AOPEP: variants seen among roughly 807,000 people sequenced by gnomAD.
AOPEP encodes aminopeptidase O.
Under a neutral mutation model 98.1 loss-of-function variants are expected in AOPEP, and 77 were observed. That is an observed-to-expected ratio of 0.78 (90% CI 0.65 to 0.95). The LOEUF is 0.95. Ranked by LOEUF, AOPEP falls within the 40% of genes least tolerant of loss-of-function variation. The pLI is 0.00. For missense variants in AOPEP, 1,024 were observed against 1,024.7 expected (o/e 1.00, Z 0.01); for synonymous variants, 346 against 365.3 (o/e 0.95, Z 0.60).
chr9:94,924,028 G>T lies in AOPEP; in HGVS notation c.1407G>T (p.Gly469=). The part of the protein sequence containing the change: ...MFLSQSILTG[G]NHLCGTRLCH... Reference sequence around the variant, plus strand: ...TCTCTCAGAGCATCTTGACAGGAGGGAACCATCTCTGTGGGACCCGCCTCT... The same window carrying T: ...TCTCTCAGAGCATCTTGACAGGAGGTAACCATCTCTGTGGGACCCGCCTCT... The change falls in exon 6 of 17, where the codon GGG becomes GGT. Residue 469 remains glycine (G), a synonymous_variant. Coordinates refer to ENST00000375315, the MANE Select transcript of AOPEP (RefSeq NM_001193329.3). 6.7e-7 allele frequency: 1 copy of T among 1,500,984 alleles called. No individual in the cohort carries two copies. The highest frequency in any genetic ancestry group is 8.9e-7 in the Non-Finnish European group (1 of 1,121,536). The allele number at this position is 1,500,984 out of a possible 1,614,324, so 93.0% of individuals were successfully genotyped here.
At chr9:94,848,438 C>T (rs533548600) in intron 5 of AOPEP, among the ~76,000 whole-genome samples, 10 of 114,662 alleles carry the variant, frequency 8.7e-5, no homozygotes, top group Admixed American at 7.0e-4. Flanking sequence ...GGCGACGGAG[C>T]GAGACTCCGT....
intron 13 of AOPEP, among the ~76,000 whole-genome samples, chr9:95,053,886 TG>T (rs2066602393): frequency 6.6e-6 from 1 of 152,032 alleles, no homozygotes. Flanking sequence ...CACCTAATTT[TG>T]GGGGTGGGTA....
chr9:94,855,114 G>A (rs773671930), intron 5 of AOPEP, among the ~76,000 whole-genome samples: 5 of 151,968 alleles, frequency 3.3e-5, no homozygotes, highest in Non-Finnish European at 5.9e-5. Flanking sequence ...ATCTCATTCT[G>A]TCACCCAGGC....
At chr9:94,997,984 C>A (rs969387276) in intron 11 of AOPEP, among the ~76,000 whole-genome samples, 10 of 152,118 alleles carry the variant, frequency 6.6e-5, no homozygotes, top group Non-Finnish European at 1.3e-4. Context: ...CAGGCATGAG[C>A]CACCACACAC....
At chr9:95,029,567 A>ACGCCATGTGTT (rs2064126131) in intron 13 of AOPEP, among the ~76,000 whole-genome samples, 1 of 152,060 alleles carries the variant, frequency 6.6e-6, no homozygotes, top group South Asian at 2.1e-4. Context: ...AATTTGAGAG[A>ACGCCATGTGTT]CGCCATGTGT....
At chr9:94,774,256 G>A (rs1841563420) in intron 3 of AOPEP, among the ~76,000 whole-genome samples, 2 of 140,012 alleles carry the variant, frequency 1.4e-5, no homozygotes, top group African/African-American at 5.3e-5. Context: ...AGCTTGCAGT[G>A]AGCTGAGATG....
chr9:94,889,827 C>T (rs1170871444), intron 5 of AOPEP, among the ~76,000 whole-genome samples: 2 of 152,294 alleles, frequency 1.3e-5, no homozygotes, highest in East Asian at 3.9e-4. Flanking sequence ...CTTTCCACAT[C>T]GTCACCATCA....
chr9:94,765,897 A>G (rs1588111366), intron 2 of AOPEP, among the ~76,000 whole-genome samples: 1 of 152,184 alleles, frequency 6.6e-6, no homozygotes, highest in Non-Finnish European at 1.5e-5. Context: ...TCATTCAGAT[A>G]CTGGATTGTA....
intron 1 of AOPEP, among the ~76,000 whole-genome samples, chr9:94,733,789 C>CA (rs1171966598): frequency 6.6e-6 from 1 of 152,140 alleles, no homozygotes. Flanking sequence ...ACCTTAATCC[C>CA]AGGTGCTTTT....
At chr9:94,817,280 T>C (rs573028927) in intron 5 of AOPEP, among the ~76,000 whole-genome samples, 42 of 152,288 alleles carry the variant, frequency 2.8e-4, no homozygotes, top group African/African-American at 9.9e-4. Context: ...GCTAGGATTA[T>C]AGGCGTGAAC....
intron 11 of AOPEP, among the ~76,000 whole-genome samples, chr9:94,985,391 T>C (rs75084260): frequency 1.5e-3 from 222 of 152,366 alleles, no homozygotes; most frequent in African/African-American, 5.1e-3. Flanking sequence ...TTGAGAATAC[T>C]TGATAAGACA....
chr9:95,098,503 TC>T, the AOPEP span, among the ~76,000 whole-genome samples: 1 of 152,056 alleles, frequency 6.6e-6, no homozygotes, highest in Non-Finnish European at 1.5e-5. Context: ...TCAGGCGCCC[TC>T]CTGACCCCGA....
intron 1 of AOPEP, among the ~76,000 whole-genome samples, chr9:94,730,851 T>G (rs959422660): frequency 1.3e-5 from 2 of 152,210 alleles, no homozygotes; most frequent in African/African-American, 4.8e-5. Flanking sequence ...TAATTCTGAC[T>G]GGTTGTTTAA....
chr9:95,040,431 A>G (rs1259991250), intron 13 of AOPEP, among the ~76,000 whole-genome samples: 1 of 152,258 alleles, frequency 6.6e-6, no homozygotes, highest in African/African-American at 2.4e-5. Flanking sequence ...AGCCAAGTTC[A>G]TCTTCCCACC....
the AOPEP span, among the ~76,000 whole-genome samples, chr9:95,142,026 CTT>C: frequency 5.5e-5 from 5 of 90,460 alleles, no homozygotes; most frequent in East Asian, 1.5e-3. Flanking sequence ...GAGTTTTGCT[CTT>C]GTCGCCCAGG....
At chr9:95,038,065 T>C (rs984402558) in intron 13 of AOPEP, among the ~76,000 whole-genome samples, 3 of 152,202 alleles carry the variant, frequency 2.0e-5, no homozygotes, top group African/African-American at 7.2e-5. Context: ...GTTCTCGGCC[T>C]CTTGAGCCTG....
At chr9:94,855,223 G>C (rs1031924428) in intron 5 of AOPEP, among the ~76,000 whole-genome samples, 8 of 151,986 alleles carry the variant, frequency 5.3e-5, no homozygotes, top group African/African-American at 1.9e-4. Flanking sequence ...GACTACAGGC[G>C]TGTGCCACCA....
At chr9:95,125,009 A>T in the AOPEP span, 3 of 1,237,450 alleles carry the variant, frequency 2.4e-6, no homozygotes, top group Non-Finnish European at 2.4e-6. Flanking sequence ...ATTGAAAATA[A>T]AGTGCTCTTG....
At chr9:94,771,718 T>G (rs1356742346) in intron 2 of AOPEP, among the ~76,000 whole-genome samples, 1 of 151,226 alleles carries the variant, frequency 6.6e-6, no homozygotes, top group Non-Finnish European at 1.5e-5. Flanking sequence ...TGGTTGAGTC[T>G]CCTGTGGTCC....
Sources: allele counts gnomAD v4.1 joint callset (sites outside exome capture counted in the v4.1 genomes callset), GRCh38; gene constraint gnomAD v4.1.1; transcripts MANE v1.5; gene names NCBI Gene and HGNC (gene_info 2026-07-23, HGNC 2026-07-21).